Variants in BRI3 observed in about 807,000 individuals in gnomAD.
BRI3 encodes the protein brain protein I3.
BRI3 carries 6 observed loss-of-function variants against 12.8 expected under a neutral mutation model. That is an observed-to-expected ratio of 0.47 (90% CI 0.26 to 0.93). The LOEUF (loss-of-function observed/expected upper bound fraction) is 0.93. BRI3 is among the 40% of genes least tolerant of loss of function. BRI3 has a pLI of 0.15. For missense variants in BRI3, 134 were observed against 171.1 expected, an observed-to-expected ratio of 0.78 and a Z score of 1.21; for synonymous variants, 91 against 76.1, an observed-to-expected ratio of 1.20 and a Z score of -1.02.
exon 2 of BRI3, chr7:98,310,133 G>A (rs964932229): frequency 4.0e-6 from 1 of 250,460 alleles, no homozygotes. Context: ...TTACAGGCGT[G>A]AGCCACCGCG....
At chr7:98,285,299 TGTG>T (rs1178347589) in intron 2 of BRI3, among the ~76,000 whole-genome samples, 2 of 151,958 alleles carry the variant, frequency 1.3e-5, no homozygotes, top group African/African-American at 4.8e-5. Context: ...GGGTGGTGAC[TGTG>T]GAGCCCGGGA....
intron 2 of BRI3, among the ~76,000 whole-genome samples, chr7:98,287,862 C>G (rs1799762321): frequency 6.6e-6 from 1 of 152,216 alleles, no homozygotes; most frequent in Non-Finnish European, 1.5e-5. Context: ...TGGGCGGGCT[C>G]CAGCCGGGCT....
the BRI3 span, chr7:98,317,120 T>C: frequency 4.1e-6 from 6 of 1,478,982 alleles, no homozygotes; most frequent in South Asian, 1.2e-5. Context: ...CCCAAAGTGC[T>C]GGGATTACAG....
chr7:98,286,080 T>C (rs997757357), intron 2 of BRI3, among the ~76,000 whole-genome samples: 1 of 152,118 alleles, frequency 6.6e-6, no homozygotes, highest in Non-Finnish European at 1.5e-5. Flanking sequence ...GAGGGAGAAC[T>C]GGGACCTGCA....
exon 2 of BRI3, chr7:98,310,414 A>G: frequency 1.3e-6 from 2 of 1,562,182 alleles, no homozygotes; most frequent in East Asian, 2.3e-5. Flanking sequence ...TGTAAAAGGT[A>G]TCTTCAAATA....
chr7:98,309,075 A>G (rs1176112939), exon 2 of BRI3: 1 of 152,078 alleles, frequency 6.6e-6, no homozygotes, highest in Non-Finnish European at 1.5e-5. Context: ...ATTCTTGCAG[A>G]TTCTTCATGA....
chr7:98,284,124 GTTAC>G lies in BRI3; in HGVS notation c.245+1675_245+1678del, dbSNP rs996547948. Among the ~76,000 whole-genome samples, 21 of 152,320 alleles carry G rather than the reference GTTAC, an allele frequency of 1.4e-4. No individual in the cohort carries two copies. In the East Asian group the frequency reaches 3.7e-3, roughly 27 times the overall value. ...AGGCTGTAGGGGTGTGGGGTCCTTG[GTTAC>G]TTAATCACTGCTCTCTGCCTCTGGG... On this transcript the variant is annotated intron_variant, in intron 2 of 2. Transcript: ENST00000297290.
chr7:98,315,489 C>A, the BRI3 span: 3 of 1,503,310 alleles, frequency 2.0e-6, no homozygotes, highest in Admixed American at 2.2e-5. Context: ...ATGTGGTTTG[C>A]AAAGCCACAG....
At chr7:98,312,145 G>A (rs1015173886), downstream of BRI3, 16 of 1,613,912 alleles carry the variant, frequency 9.9e-6, no homozygotes, top group Non-Finnish European at 1.3e-5. Flanking sequence ...TTCCAGACAC[G>A]GGGGTAGAGG....
chr7:98,301,369 G>T (rs1800411630), intron 1 of BRI3, among the ~76,000 whole-genome samples: 1 of 152,110 alleles, frequency 6.6e-6, no homozygotes, highest in South Asian at 2.1e-4. Context: ...CGCATAAGGA[G>T]GGCATTCTCA....
chr7:98,306,630 C>A, exon 1 of BRI3: 2 of 1,469,330 alleles, frequency 1.4e-6, no homozygotes, highest in East Asian at 2.3e-5. Flanking sequence ...CAGAAACGCC[C>A]ATGTGTGGAG....
chr7:98,292,383 A>AT (rs1226822468), downstream of BRI3: 1 of 459,208 alleles, frequency 2.2e-6, no homozygotes, highest in African/African-American at 2.0e-5. Flanking sequence ...TAATTTTTGT[A>AT]TTTTTAGTAG....
upstream of BRI3, among the ~76,000 whole-genome samples, chr7:98,302,367 G>A (rs569704632): frequency 6.6e-6 from 1 of 152,326 alleles, no homozygotes; most frequent in Admixed American, 6.5e-5. Context: ...TTGGGGGCAA[G>A]ATTCTTTTAC....
chr7:98,282,250 C>T (rs59894144), intron 1 of BRI3, 101 bp from the exon 2 acceptor site: 2 of 1,081,626 alleles, frequency 1.8e-6, no homozygotes, highest in Admixed American at 2.3e-5. Flanking sequence ...AGACCGGGGG[C>T]TTTTTTAGCG....
downstream of BRI3, chr7:98,291,640 C>T (rs557095284): frequency 4.2e-6 from 2 of 472,390 alleles, no homozygotes; most frequent in African/African-American, 4.2e-5. Flanking sequence ...GCGCTTACAG[C>T]TCAAGAAAAT....
the BRI3 span, among the ~76,000 whole-genome samples, chr7:98,317,009 C>A: frequency 5.3e-5 from 8 of 152,014 alleles, no homozygotes; most frequent in East Asian, 1.2e-3. Context: ...ACTACAGGTA[C>A]CTGCCATCAC....
chr7:98,306,521 C>T (rs766297356), upstream of BRI3: 17 of 1,613,962 alleles, frequency 1.1e-5, no homozygotes, highest in African/African-American at 4.0e-5. Flanking sequence ...CCCCTCCTAC[C>T]GGCAAAGAGG....
the BRI3 span, among the ~76,000 whole-genome samples, chr7:98,319,793 C>T: frequency 3.2e-4 from 48 of 152,228 alleles, no homozygotes; most frequent in East Asian, 1.4e-3. Context: ...TCAAGTGATC[C>T]GCCTGCCTTG....
chr7:98,289,766 T>G (rs532843300), intron 2 of BRI3, among the ~76,000 whole-genome samples: 1 of 152,346 alleles, frequency 6.6e-6, no homozygotes, highest in African/African-American at 2.4e-5. Context: ...ATTTCAGCTG[T>G]GTCCAGAACT....
Sources: allele counts gnomAD v4.1 joint callset (sites outside exome capture counted in the v4.1 genomes callset), GRCh38; gene constraint gnomAD v4.1.1; transcripts MANE v1.5; gene names NCBI Gene and HGNC (gene_info 2026-07-23, HGNC 2026-07-21).